The following TMEM230 variants were observed in gnomAD, a reference collection of about 807,000 sequenced individuals.
TMEM230 encodes the protein transmembrane protein 230.
In TMEM230, 10 loss-of-function variants were observed where a neutral mutation model predicts 15.8. The observed-to-expected ratio is 0.63, with a 90% CI of 0.39 to 1.07. The LOEUF is 1.07. TMEM230 is among the 50% of genes least tolerant of loss of function. The pLI is 0.01. For missense variants in TMEM230, 165 were observed against 193.3 expected, an observed-to-expected ratio of 0.85 and a Z score of 0.87; for synonymous variants, 67 against 76.9, an observed-to-expected ratio of 0.87 and a Z score of 0.68.
intron 3 of TMEM230, among the ~76,000 whole-genome samples, chr20:5,086,518 A>G (rs7264441): frequency 0.54 from 75,042 of 139,806 alleles, 20,922 homozygotes; most frequent in East Asian, 0.84. Flanking sequence ...CAGCCTGGGC[A>G]ACAGAGCCAG....
At chr20:5,073,718 T>G (rs894580170) in intron 3 of TMEM230, among the ~76,000 whole-genome samples, 7 of 152,220 alleles carry the variant, frequency 4.6e-5, no homozygotes, top group Non-Finnish European at 8.8e-5. Context: ...ACTGTCCTCC[T>G]TGAAGGGAAT....
At chr20:5,093,342 G>A (rs1181931385) in intron 3 of TMEM230, among the ~76,000 whole-genome samples, 1 of 151,798 alleles carries the variant, frequency 6.6e-6, no homozygotes, top group Admixed American at 6.6e-5. Context: ...CCACCTCCTG[G>A]GCTCAAGCTA....
At chr20:5,061,877 A>G in the TMEM230 span, among the ~76,000 whole-genome samples, 1 of 152,112 alleles carries the variant, frequency 6.6e-6, no homozygotes, top group Non-Finnish European at 1.5e-5. Context: ...AGAGGGTTCT[A>G]TTACAGATTA....
chr20:5,074,732 A>C (rs1322147520), intron 3 of TMEM230, among the ~76,000 whole-genome samples: 2 of 152,104 alleles, frequency 1.3e-5, no homozygotes, highest in African/African-American at 4.8e-5. Flanking sequence ...TGAGCTAAGG[A>C]GTTTGAGACC....
intron 1 of TMEM230, 188 bp downstream of exon 1, chr20:5,112,773 A>C: frequency 6.8e-7 from 1 of 1,476,938 alleles, no homozygotes; most frequent in Non-Finnish European, 9.0e-7. Context: ...GGAGAGAAAT[A>C]AGAACCGACG....
downstream of TMEM230, among the ~76,000 whole-genome samples, chr20:5,064,563 C>T (rs1199103002): frequency 6.6e-5 from 10 of 151,908 alleles, no homozygotes; most frequent in South Asian, 2.1e-4. Context: ...GCAACAAGAG[C>T]GAAACTCCGT....
chr20:5,069,282 T>A lies in TMEM230; in HGVS notation c.290A>T (p.Tyr97Phe), dbSNP rs1488383049. ...CCTCCCACTGATGCCTCCCATCATGTACCCACGGGATGCTGGTAGATGTTT... is the reference window on the plus strand; with the variant it reads ...CCTCCCACTGATGCCTCCCATCATGAACCCACGGGATGCTGGTAGATGTTT... Residue 97 changes from tyrosine to phenylalanine, a missense_variant, in exon 4 of 4, where the codon TAC becomes TTC. Transcript: ENST00000612323. 11 of 1,536,026 alleles carry A rather than the reference T, an allele frequency of 7.2e-6. No homozygotes were observed. The Admixed American group carries it at 1.6e-4, about 22-fold the overall frequency.
chr20:5,065,775 G>A (rs2122517669), downstream of TMEM230, among the ~76,000 whole-genome samples: 1 of 152,340 alleles, frequency 6.6e-6, no homozygotes, highest in East Asian at 1.9e-4. Flanking sequence ...CCACAGACTG[G>A]ACCAAAGGTC....
downstream of TMEM230, among the ~76,000 whole-genome samples, chr20:5,096,017 A>G (rs911110): frequency 0.68 from 104,235 of 152,168 alleles, 36,490 homozygotes; most frequent in East Asian, 0.84. Flanking sequence ...AGGCCCAGCC[A>G]CATGCTGGTA....
chr20:5,106,078 AACACACACACACAC>A (rs61087830), intron 4 of TMEM230, 96 bp downstream of exon 3: 21 of 551,106 alleles, frequency 3.8e-5, no homozygotes, highest in Admixed American at 2.0e-4. Flanking sequence ...GGGACGGACA[AACACACACACACAC>A]ACACACACAC....
chr20:5,097,630 A>G (rs954944436), downstream of TMEM230, among the ~76,000 whole-genome samples: 2 of 151,782 alleles, frequency 1.3e-5, no homozygotes, highest in South Asian at 4.2e-4. Context: ...TTGCCTTATA[A>G]TTTTTTTTTG....
chr20:5,076,338 G>A (rs2088993165), intron 3 of TMEM230, among the ~76,000 whole-genome samples: 1 of 152,010 alleles, frequency 6.6e-6, no homozygotes, highest in Non-Finnish European at 1.5e-5. Context: ...TCAGGAGTTC[G>A]AGACCATCCT....
chr20:5,083,910 A>G (rs573490040), intron 3 of TMEM230, among the ~76,000 whole-genome samples: 95 of 152,332 alleles, frequency 6.2e-4, no homozygotes, highest in Non-Finnish European at 1.1e-3. Flanking sequence ...TTACGTGGGT[A>G]AATTATGTAT....
chr20:5,069,198 G>A, exon 4 of TMEM230: 3 of 1,530,798 alleles, frequency 2.0e-6, no homozygotes, highest in Middle Eastern at 1.7e-4. Context: ...TCAGTCAGGT[G>A]ATGACACCTG....
chr20:5,080,612 G>A (rs1476890332), intron 3 of TMEM230, among the ~76,000 whole-genome samples: 1 of 151,352 alleles, frequency 6.6e-6, no homozygotes, highest in African/African-American at 2.4e-5. Context: ...TATTGCCCAA[G>A]CTGGAGTGCA....
intron 3 of TMEM230, among the ~76,000 whole-genome samples, chr20:5,108,953 G>C (rs200757667): frequency 1.7e-4 from 26 of 152,078 alleles, no homozygotes; most frequent in Non-Finnish European, 3.5e-4. Context: ...TGACTAAAGT[G>C]TAAATAAACA....
intron 4 of TMEM230, 111 bp from the exon 4 acceptor site, chr20:5,101,042 T>A (rs1335669384): frequency 7.6e-7 from 1 of 1,315,406 alleles, no homozygotes; most frequent in Non-Finnish European, 1.0e-6. Context: ...CAGTACTTTT[T>A]CTTTGAGTTG....
intron 3 of TMEM230, among the ~76,000 whole-genome samples, chr20:5,090,877 T>C (rs2089488524): frequency 6.6e-6 from 1 of 152,148 alleles, no homozygotes; most frequent in Admixed American, 6.6e-5. Context: ...GAAATGGTAA[T>C]AAAAATATTT....
rs556577227 is a variant in TMEM230, at chr20:5,103,175, T to C, written c.412-2244A>G. Among the ~76,000 whole-genome samples, 13 of 152,192 alleles carry C rather than the reference T, an allele frequency of 8.5e-5. No individual in the cohort carries two copies. In the South Asian group the frequency reaches 1.5e-3, roughly 17 times the overall value. ...CATAATTAACACACAACGGGAAACA[T>C]AGTCAGAGGGGTGCAGTGGCTAAAG... On this transcript the variant is annotated intron_variant, in intron 4 of 4. Transcript: ENST00000342308.
Sources: allele counts gnomAD v4.1 joint callset (sites outside exome capture counted in the v4.1 genomes callset), GRCh38; gene constraint gnomAD v4.1.1; transcripts MANE v1.5; gene names NCBI Gene and HGNC (gene_info 2026-07-23, HGNC 2026-07-21).